DNAH17: variants seen among roughly 807,000 people sequenced by gnomAD.
DNAH17 encodes axonemal beta dynein heavy chain 17.
In DNAH17, 376 loss-of-function variants were observed where a neutral mutation model predicts 485.6. The ratio of observed to expected loss-of-function variants is 0.77; its 90% CI spans 0.71 to 0.84. DNAH17 has a LOEUF of 0.84. Among genes scored for constraint, DNAH17 ranks in the 40% least tolerant of loss-of-function variants. The pLI is 0.00. For missense variants in DNAH17, 6,370 were observed against 5,839.3 expected, an observed-to-expected ratio of 1.09 and a Z score of -2.96; for synonymous variants, 3,031 against 2,405.9, an observed-to-expected ratio of 1.26 and a Z score of -7.60.
At chr17:78,576,684 C>A (rs1272469634) in intron 1 of DNAH17, among the ~76,000 whole-genome samples, 3 of 152,174 alleles carry the variant, frequency 2.0e-5, no homozygotes, top group Admixed American at 2.0e-4. Context: ...CCAAGCTGGT[C>A]AGGCGACTGG....
In DNAH17 at chr17:78,532,487, C is replaced by A; in HGVS notation, c.3109G>T (p.Glu1037Ter). ...KTPPTLAQFQEQIDSYEKLYE... is the reference protein window; with the variant it reads ...KTPPTLAQFQ Reference sequence around the variant, plus strand: ...TGGGTGAGGTCTGCACGCACCTGCTCCTGGAACTGAGCCAGGGTGGGCGGT... The same window carrying A: ...TGGGTGAGGTCTGCACGCACCTGCTACTGGAACTGAGCCAGGGTGGGCGGT... Residue 1037 changes from glutamate to a stop codon, truncating the protein, a stop_gained, in exon 20 of 81, where the codon GAG (glutamate) becomes TAG (stop). Transcript: ENST00000389840. LOFTEE classifies it high-confidence loss of function. 6.2e-7 allele frequency: 1 copy of A among 1,609,814 alleles called. No individual in the cohort carries two copies. Among genetic ancestry groups the A allele is most frequent in the Non-Finnish European group, 8.5e-7 (1 of 1,178,572 alleles).
intron 16 of DNAH17, among the ~76,000 whole-genome samples, chr17:78,546,991 TTCC>T (rs1167460795): frequency 1.3e-5 from 2 of 152,218 alleles, no homozygotes; most frequent in Non-Finnish European, 2.9e-5. Flanking sequence ...CCCAACTTTT[TTCC>T]TCCTCCTAAC....
Position 78,478,215 on chromosome 17 carries a change from T to C in DNAH17, c.7992+810A>G, listed in dbSNP as rs923218834. ...CACCATCATATCACCACCACCACCA[T>C]CATCACCACATCACCATCACCACCA... On this transcript the variant is annotated intron_variant, in intron 51 of 80. Coordinates refer to ENST00000389840, the MANE Select transcript of DNAH17 (RefSeq NM_173628.4). 1.1e-3 allele frequency among the ~76,000 whole-genome samples: 85 copies of C among 77,042 alleles called. No individual in the cohort carries two copies. The Middle Eastern group carries it at 0.022, about 20-fold the overall frequency. The allele number at this position is 77,042 out of a possible 152,430, so 50.5% of individuals were successfully genotyped here. A position where few individuals can be genotyped will look rare whatever the true frequency, so the allele number is the denominator to read the frequency against.
chr17:78,547,756 C>G (rs1346783916), intron 16 of DNAH17, among the ~76,000 whole-genome samples: 1 of 151,868 alleles, frequency 6.6e-6, no homozygotes, highest in Admixed American at 6.6e-5. Flanking sequence ...TAGCTGGGAT[C>G]ATAGGTGTGT....
intron 37 of DNAH17, 190 bp downstream of exon 37, chr17:78,498,818 T>C: frequency 2.1e-6 from 1 of 477,520 alleles, no homozygotes; most frequent in South Asian, 4.0e-5. Flanking sequence ...AATCTGATTC[T>C]GTTTTCAATG....
intron 75 of DNAH17, among the ~76,000 whole-genome samples, chr17:78,431,274 G>A (rs935970448): frequency 2.0e-5 from 3 of 152,164 alleles, no homozygotes; most frequent in African/African-American, 7.2e-5. Context: ...ACTGTTTGCG[G>A]GCTGCTTTTC....
At chr17:78,433,931 G>GGGAGGGAAGGAA (rs2086770868) in intron 75 of DNAH17, 98 bp downstream of exon 75, 2 of 862,986 alleles carry the variant, frequency 2.3e-6, no homozygotes, top group African/African-American at 5.7e-5. Flanking sequence ...GAAGGAAGGA[G>GGGAGGGAAGGAA]GGAGGGAAGG....
intron 30 of DNAH17, 24 bp from the exon 31 acceptor site, chr17:78,505,469 A>AT (rs1468675519): frequency 2.5e-6 from 4 of 1,613,758 alleles, no homozygotes; most frequent in Middle Eastern, 3.3e-4. Flanking sequence ...AGAAGCGGGA[A>AT]TTATGCAACG....
rs1309846592 is a variant in DNAH17 at position 78,525,081 on chromosome 17, T to A, written c.3792A>T (p.Pro1264=). The A allele has an allele frequency of 1.2e-6, 2 of 1,613,756 alleles. No individual in the cohort carries two copies. The highest frequency in any genetic ancestry group is 1.7e-6 in the Non-Finnish European group (2 of 1,179,890). Residue 1264 remains proline (P), a synonymous_variant, in exon 25 of 81, where the codon CCA becomes CCT. Coordinates refer to ENST00000389840, the MANE Select transcript of DNAH17 (RefSeq NM_173628.4). ...GGCAGGCCTTGAGCTGCTTGTAGTC[T>A]GGGACGGGGACCTCGAACAGGCCCC... ...KSGGLFEVPV[P]DYKQLKACHR...
At chr17:78,431,548 T>C (rs912003847) in intron 75 of DNAH17, among the ~76,000 whole-genome samples, 1 of 150,390 alleles carries the variant, frequency 6.6e-6, no homozygotes, top group Non-Finnish European at 1.5e-5. Flanking sequence ...TCCATCAGAC[T>C]TTTGTGTTCC....
In DNAH17 at chr17:78,424,114, G is replaced by T; in HGVS notation, c.13181C>A (p.Ala4394Glu). Residue 4394 changes from alanine (A) to glutamate (E), a missense_variant, in exon 81 of 81, where the codon GCG becomes GAG. Physicochemically the swap from Ala to Glu is moderately radical, Grantham distance 107. Transcript: ENST00000389840. Reference sequence around the variant, plus strand: ...GGCCGGGGTCAGCTCTTTCAGCCGCGCTTCAGCGATGACTCCAGTCTGGGT... The same window carrying T: ...GGCCGGGGTCAGCTCTTTCAGCCGCTCTTCAGCGATGACTCCAGTCTGGGT... ...WDTQTGVIAE[A>E]RLKELTPAMP... The T allele has an allele frequency of 6.2e-7, 1 of 1,613,604 alleles. No individual in the cohort carries two copies. The highest frequency in any genetic ancestry group is 8.5e-7 in the Non-Finnish European group (1 of 1,179,862).
At chr17:78,459,677 A>C in intron 60 of DNAH17, 107 bp downstream of exon 60, 2 of 1,253,620 alleles carry the variant, frequency 1.6e-6, no homozygotes, top group Non-Finnish European at 2.3e-6. Context: ...CTAGATTTTG[A>C]GCCACAGGCC....
Position 78,529,707 on chromosome 17 carries a change from G to C in DNAH17, c.3285-13C>G. The C allele has an allele frequency of 6.2e-7, 1 of 1,612,912 alleles. No homozygotes were observed. On this transcript the variant is annotated splice_polypyrimidine_tract_variant and intron_variant, in intron 21 of 80. Coordinates refer to ENST00000389840, the MANE Select transcript of DNAH17 (RefSeq NM_173628.4). Reference sequence around the variant, plus strand: ...CAGGTCAGCCAGGCTAAGGGACAAGGGGACCATTTGTGTGGCCCCAGCCCC... The same window carrying C: ...CAGGTCAGCCAGGCTAAGGGACAAGCGGACCATTTGTGTGGCCCCAGCCCC...
At position 78,459,121 on chromosome 17, in the gene DNAH17, G is replaced by A. The variant is rs761220014; in HGVS notation, c.9741C>T (p.Asn3247=). ...AAAGLCSWCI[N]IVRFYEVYCD... ...AGTAGACCTCGTAGAAGCGGACGAT[G>A]TTGATGCACCAGGAGCACAGGCCGG... Residue 3247 remains asparagine, a synonymous_variant, in exon 61 of 81, where the codon AAC becomes AAT. Coordinates refer to ENST00000389840, the MANE Select transcript of DNAH17 (RefSeq NM_173628.4). The A allele has an allele frequency of 6.2e-7, 1 of 1,614,034 alleles. No homozygotes were observed. Among genetic ancestry groups the A allele is most frequent in the Non-Finnish European group, 8.5e-7 (1 of 1,179,910 alleles).
intron 17 of DNAH17, chr17:78,543,647 T>C (rs1391028110): frequency 4.3e-6 from 3 of 692,550 alleles, no homozygotes; most frequent in Non-Finnish European, 7.3e-6. Flanking sequence ...CTGGTCTCGA[T>C]CTCCTGACAT....
chr17:78,468,419 G>C (rs1053997709), intron 55 of DNAH17, among the ~76,000 whole-genome samples, 198 bp downstream of exon 55: 1 of 152,104 alleles, frequency 6.6e-6, no homozygotes, highest in Non-Finnish European at 1.5e-5. Context: ...TTGGCCCCAA[G>C]ATACCTCTAA....
chr17:78,522,912 G>C (rs981933305), intron 25 of DNAH17: 1 of 160,046 alleles, frequency 6.2e-6, no homozygotes, highest in Non-Finnish European at 1.3e-5. Context: ...GGAGTGCAGT[G>C]GCTCCATCAT....
At chr17:78,506,654 G>A in intron 30 of DNAH17, 66 bp downstream of exon 30, 1 of 1,608,896 alleles carries the variant, frequency 6.2e-7, no homozygotes. Context: ...GGTTGAGGTA[G>A]AGGTGCCCAC....
At chr17:78,430,443 T>A (rs1316483883) in intron 75 of DNAH17, among the ~76,000 whole-genome samples, 1 of 152,196 alleles carries the variant, frequency 6.6e-6, no homozygotes. Flanking sequence ...AGGCAGATGT[T>A]TTCATAACAT....
Sources: gnomAD v4.1 joint callset for allele counts (sites outside exome capture counted in the v4.1 genomes callset) on GRCh38, gnomAD v4.1.1 for gene constraint, MANE v1.5 for transcripts, NCBI Gene and HGNC (gene_info 2026-07-23, HGNC 2026-07-21) for gene names.